The following N4BP2 variants were observed in gnomAD, a reference collection of about 807,000 sequenced individuals.
The protein encoded by N4BP2 is NEDD4 binding protein 2.
A neutral mutation model predicts 152.8 loss-of-function variants in N4BP2; 91 were observed. The ratio of observed to expected loss-of-function variants is 0.60; its 90% CI spans 0.50 to 0.71. The LOEUF is 0.71. Ranked by LOEUF, N4BP2 falls within the 30% of genes least tolerant of loss-of-function variation. The pLI, the probability that N4BP2 is intolerant of heterozygous loss-of-function variation, is 0.00. For missense variants in N4BP2, 1,923 were observed against 2,059.1 expected (o/e 0.93, Z 1.28); for synonymous variants, 646 against 705.3 (o/e 0.92, Z 1.33).
chr4:40,184,849 G>A, the N4BP2 span, among the ~76,000 whole-genome samples: 5 of 152,064 alleles, frequency 3.3e-5, no homozygotes, highest in Admixed American at 3.3e-4. Flanking sequence ...CCAGCTGCTC[G>A]GGAGGCTGAG....
chr4:40,073,761 T>C (rs764278701), intron 2 of N4BP2, among the ~76,000 whole-genome samples: 1 of 151,914 alleles, frequency 6.6e-6, no homozygotes, highest in Non-Finnish European at 1.5e-5. Context: ...ACCCAGCTAA[T>C]TTTTGTATTT....
chr4:40,142,053 G>A (rs1036604252), intron 14 of N4BP2: 2 of 159,086 alleles, frequency 1.3e-5, no homozygotes, highest in African/African-American at 4.8e-5. Flanking sequence ...GTCCAGCTTC[G>A]GCTCGGTATC....
chr4:40,179,097 A>G, the N4BP2 span, among the ~76,000 whole-genome samples: 1 of 152,252 alleles, frequency 6.6e-6, no homozygotes, highest in East Asian at 1.9e-4. Flanking sequence ...GGCTGGGCGC[A>G]GCAGCTCATG....
At chr4:40,175,758 C>CCTCG in the N4BP2 span, among the ~76,000 whole-genome samples, 2 of 131,604 alleles carry the variant, frequency 1.5e-5, no homozygotes, top group African/African-American at 6.0e-5. Flanking sequence ...TGCAGTGAGC[C>CCTCG]GAGATTGCGC....
the N4BP2 span, among the ~76,000 whole-genome samples, chr4:40,178,014 A>G: frequency 6.6e-6 from 1 of 152,064 alleles, no homozygotes; most frequent in African/African-American, 2.4e-5. Flanking sequence ...ACAAAAAAAC[A>G]GTAAGTAGAA....
intron 2 of N4BP2, among the ~76,000 whole-genome samples, chr4:40,083,656 C>T (rs938596726): frequency 7.9e-5 from 12 of 152,020 alleles, no homozygotes; most frequent in African/African-American, 2.7e-4. Context: ...AAAGTAGATT[C>T]GTGGTTGCCA....
chr4:40,102,360 G>C lies in N4BP2; in HGVS notation c.515G>C (p.Ser172Thr), dbSNP rs533763285. Residue 172 changes from serine (S) to threonine (T), a missense_variant, in exon 4 of 18, where the codon AGT (serine) becomes ACT (threonine). Coordinates refer to ENST00000261435, the MANE Select transcript of N4BP2 (RefSeq NM_018177.6). ...TTTTTGCCTTCACAAGATGTTAATA[G>C]TTTTAATGACTCAAGTGAGTTTATA... ...YSFLPSQDVN[S>T]FNDSSEFINP... The C allele has an allele frequency of 4.3e-6, 7 of 1,613,072 alleles. No individual in the cohort carries two copies. The African/African-American group carries it at 8.0e-5, about 18-fold the overall frequency.
rs1024155677 is a variant in N4BP2 at position 40,155,420 on chromosome 4, A to G, written c.*1183A>G. 2.0e-5 allele frequency: 3 copies of G among 151,976 alleles called. No homozygotes were observed. The highest frequency in any genetic ancestry group is 2.9e-5 in the Non-Finnish European group (2 of 67,984). The allele number at this position is 151,976 out of a possible 1,614,324, so 9.4% of individuals were successfully genotyped here. On this transcript the variant is annotated 3_prime_UTR_variant, in exon 18 of 18. Transcript: ENST00000261435. ...TCCAAAAAAAAAAAAGAAAAAAAAG[A>G]GAAAATATTTTGGTTATAATCATAA...
At chr4:40,146,149 C>T (rs950517250) in intron 16 of N4BP2, among the ~76,000 whole-genome samples, 3 of 150,866 alleles carry the variant, frequency 2.0e-5, no homozygotes, top group Non-Finnish European at 3.0e-5. Flanking sequence ...GGTGACAGAG[C>T]GAGACTCTTT....
chr4:40,102,635 C>A lies in N4BP2; in HGVS notation c.790C>A (p.Gln264Lys), dbSNP rs1461731385. The A allele has an allele frequency of 1.2e-6, 2 of 1,614,158 alleles. No individual in the cohort carries two copies. Among genetic ancestry groups the A allele is most frequent in the Non-Finnish European group, 8.5e-7 (1 of 1,180,034 alleles). Residue 264 changes from glutamine to lysine, a missense_variant, in exon 4 of 18, where the codon CAA becomes AAA. Gln to Lys is a moderately conservative substitution (Grantham distance 53). Transcript: ENST00000261435. ...CATCGCAGGTTGTAGCAGTCTCAAT[C>A]AAAAACAGAAAGAACTTTTAGAATC... Reference protein sequence around the residue: ...DSIAGCSSLNQKQKELLESEC... With the variant: ...DSIAGCSSLNKKQKELLESEC...
At chr4:40,149,578 A>G (rs1057179189) in intron 16 of N4BP2, among the ~76,000 whole-genome samples, 1 of 152,222 alleles carries the variant, frequency 6.6e-6, no homozygotes, top group African/African-American at 2.4e-5. Context: ...TGTTAATTTT[A>G]TCTCAATTAA....
intron 13 of N4BP2, 140 bp downstream of exon 13, chr4:40,132,059 G>GAT: frequency 4.7e-6 from 3 of 640,952 alleles, no homozygotes; most frequent in South Asian, 2.1e-5. Context: ...AAGACCCACA[G>GAT]TGGGTGCATG....
chr4:40,074,960 T>C (rs191139061), intron 2 of N4BP2, among the ~76,000 whole-genome samples: 1 of 151,872 alleles, frequency 6.6e-6, no homozygotes, highest in Non-Finnish European at 1.5e-5. Flanking sequence ...TGAGCTGAGC[T>C]CTTGCCACTG....
intron 2 of N4BP2, among the ~76,000 whole-genome samples, chr4:40,077,433 C>G (rs1437514779): frequency 2.0e-5 from 3 of 147,632 alleles, no homozygotes; most frequent in African/African-American, 7.5e-5. Flanking sequence ...CAGGCGTGAA[C>G]CACTGTGTCT....
Position 40,113,421 on chromosome 4 carries a change from G to A in N4BP2, c.1588-11G>A, listed in dbSNP as rs1349826924. On this transcript the variant is annotated splice_polypyrimidine_tract_variant and intron_variant, in intron 6 of 17. Coordinates refer to ENST00000261435, the MANE Select transcript of N4BP2 (RefSeq NM_018177.6). ...CCTATTTTAAAATGTTTTTGTCTTTGTTGTATGTAGTCTCAGAAACACAAA... is the reference window on the plus strand; with the variant it reads ...CCTATTTTAAAATGTTTTTGTCTTTATTGTATGTAGTCTCAGAAACACAAA... 8 of 1,579,948 alleles carry A rather than the reference G, an allele frequency of 5.1e-6. No individual in the cohort carries two copies. In the East Asian group the frequency reaches 1.8e-4, roughly 35 times the overall value.
chr4:40,153,140 T>C (rs1721290469), intron 17 of N4BP2, among the ~76,000 whole-genome samples: 1 of 152,260 alleles, frequency 6.6e-6, no homozygotes, highest in Non-Finnish European at 1.5e-5. Context: ...GCTGGATTTA[T>C]GTTGTCTGGT....
intron 3 of N4BP2, among the ~76,000 whole-genome samples, chr4:40,100,748 C>G (rs1034419029): frequency 1.3e-5 from 2 of 152,160 alleles, no homozygotes; most frequent in Non-Finnish European, 2.9e-5. Flanking sequence ...CCAGTCCTGG[C>G]TCTGTCACTG....
At chr4:40,072,698 A>T (rs1712329644) in intron 1 of N4BP2, among the ~76,000 whole-genome samples, 1 of 150,666 alleles carries the variant, frequency 6.6e-6, no homozygotes, top group African/African-American at 2.4e-5. Flanking sequence ...TCCCGGCCCC[A>T]GATAAATTTC....
At chr4:40,179,369 CAACA>C in the N4BP2 span, among the ~76,000 whole-genome samples, 11 of 152,204 alleles carry the variant, frequency 7.2e-5, no homozygotes, top group East Asian at 9.6e-4. Context: ...GACTCCATCT[CAACA>C]AACAAACAAA....
Sources: allele counts gnomAD v4.1 joint callset (sites outside exome capture counted in the v4.1 genomes callset), GRCh38; gene constraint gnomAD v4.1.1; transcripts MANE v1.5; gene names NCBI Gene and HGNC (gene_info 2026-07-23, HGNC 2026-07-21).